The following CCBE1 variants were observed in gnomAD, a reference collection of about 807,000 sequenced individuals.
CCBE1 encodes collagen and calcium binding EGF domains 1.
A neutral mutation model predicts 50.0 loss-of-function variants in CCBE1; 37 were observed. The ratio of observed to expected loss-of-function variants is 0.74; its 90% confidence interval spans 0.57 to 0.97. The LOEUF (loss-of-function observed/expected upper bound fraction) is 0.97, where lower values mean the gene tolerates loss of function less well. Ranked by LOEUF, CCBE1 falls within the 50% of genes least tolerant of loss-of-function variation. The probability of loss-of-function intolerance (pLI) is 0.00; values close to 1 mark genes in which losing one functional copy is unlikely to be tolerated. For synonymous variants in CCBE1, 234 were observed against 203.7 expected (o/e 1.15, Z -1.27); for missense variants, 538 against 523.8 (o/e 1.03, Z -0.26).
Position 59,577,042 on chromosome 18 carries a change from C to T in CCBE1, c.213-96804G>A, listed in dbSNP as rs57128494. The stretch of plus-strand genomic sequence containing the variant: ...CAGCTGGCTGGCACATAAAAGAAAT[C>T]CAATACTTTATTTCCTTCTCCGAAG... On this transcript the variant is annotated intron_variant, in intron 2 of 10. Coordinates refer to ENST00000439986, the MANE Select transcript of CCBE1 (RefSeq NM_133459.4). Among the ~76,000 whole-genome samples, 1,227 of 152,314 alleles carry T rather than the reference C, an allele frequency of 8.1e-3. 24 individuals are homozygous for T. Among genetic ancestry groups the T allele is most frequent in the African/African-American group, 0.028 (1,153 of 41,566 alleles).
At chr18:59,688,563 G>C (rs184225186) in intron 2 of CCBE1, among the ~76,000 whole-genome samples, 206 of 152,344 alleles carry the variant, frequency 1.4e-3, no homozygotes, top group African/African-American at 4.8e-3. Flanking sequence ...AGCAAACCAA[G>C]GTAACACTCA....
intron 2 of CCBE1, among the ~76,000 whole-genome samples, chr18:59,693,920 G>A (rs147932062): frequency 2.0e-3 from 228 of 114,154 alleles, no homozygotes; most frequent in African/African-American, 7.5e-3. Context: ...TCACCAGACT[G>A]GAATGCAGTG....
intron 2 of CCBE1, among the ~76,000 whole-genome samples, chr18:59,663,439 G>A (rs1165542379): frequency 6.6e-6 from 1 of 152,128 alleles, no homozygotes; most frequent in Non-Finnish European, 1.5e-5. Flanking sequence ...ATTATGAAGA[G>A]TGCCCCTTTC....
chr18:59,560,247 G>A (rs1360875622), intron 2 of CCBE1, among the ~76,000 whole-genome samples: 4 of 152,222 alleles, frequency 2.6e-5, no homozygotes. Context: ...CAGTGCATGG[G>A]TATGCCCATA....
In CCBE1 at chr18:59,469,109, CT is replaced by C. The variant is rs1911897969; in HGVS notation, c.400+363del. Among the ~76,000 whole-genome samples the C allele has an allele frequency of 3.9e-5, 6 of 152,268 alleles. No individual in the cohort carries two copies. In the South Asian group the frequency reaches 1.2e-3, roughly 32 times the overall value. On this transcript the variant is annotated intron_variant, in intron 4 of 10. Coordinates refer to ENST00000439986, the MANE Select transcript of CCBE1 (RefSeq NM_133459.4). Reference sequence around the variant, plus strand: ...AACCTGTCTGCCATATGGCTACTTCCTTTTTTCCCCAACCATCTTCTAAGAG... The same window carrying C: ...AACCTGTCTGCCATATGGCTACTTCCTTTTTCCCCAACCATCTTCTAAGAG...
At chr18:59,477,429 A>G (rs1912360404) in intron 3 of CCBE1, among the ~76,000 whole-genome samples, 2 of 152,280 alleles carry the variant, frequency 1.3e-5, no homozygotes, top group South Asian at 4.2e-4. Flanking sequence ...TGTGTGGTAG[A>G]AGGTGGCAGG....
At chr18:59,684,817 C>T (rs1255526953) in intron 2 of CCBE1, among the ~76,000 whole-genome samples, 1 of 152,146 alleles carries the variant, frequency 6.6e-6, no homozygotes, top group African/African-American at 2.4e-5. Flanking sequence ...TCTGGTCAAA[C>T]CACAGAAAGC....
chr18:59,474,415 T>C (rs543603442), intron 3 of CCBE1, among the ~76,000 whole-genome samples: 1 of 152,328 alleles, frequency 6.6e-6, no homozygotes, highest in African/African-American at 2.4e-5. Context: ...GGCCAGTGCA[T>C]TACAAGTTCA....
At chr18:59,650,870 A>G (rs1260308332) in intron 2 of CCBE1, among the ~76,000 whole-genome samples, 1 of 151,650 alleles carries the variant, frequency 6.6e-6, no homozygotes, top group African/African-American at 2.4e-5. Context: ...GGAACAGATG[A>G]GTGATAAGGA....
At chr18:59,446,846 C>T (rs1176821813) in intron 7 of CCBE1, among the ~76,000 whole-genome samples, 1 of 152,168 alleles carries the variant, frequency 6.6e-6, no homozygotes, top group Non-Finnish European at 1.5e-5. Flanking sequence ...CTCTATGTGT[C>T]TGGTCTTCCC....
chr18:59,658,879 CAAA>C (rs61226521), intron 2 of CCBE1, among the ~76,000 whole-genome samples: 864 of 54,660 alleles, frequency 0.016, 6 homozygotes, highest in African/African-American at 0.053. Flanking sequence ...GACTCTGTCT[CAAA>C]AAAAAAAAAA....
At chr18:59,546,552 C>A (rs73963230) in intron 2 of CCBE1, among the ~76,000 whole-genome samples, 5,565 of 152,308 alleles carry the variant, frequency 0.037, 330 homozygotes, top group African/African-American at 0.13. Flanking sequence ...AAGAGCTGAA[C>A]AACCATTTGA....
chr18:59,615,738 C>T (rs754888598), intron 2 of CCBE1, among the ~76,000 whole-genome samples: 29 of 152,104 alleles, frequency 1.9e-4, no homozygotes, highest in Non-Finnish European at 3.8e-4. Context: ...ACTAATCCCC[C>T]CTACTCCCAG....
intron 6 of CCBE1, among the ~76,000 whole-genome samples, chr18:59,449,067 C>G (rs1326890726): frequency 2.6e-5 from 4 of 152,106 alleles, no homozygotes; most frequent in Non-Finnish European, 4.4e-5. Context: ...GAAGCCTGAT[C>G]CAATTTTATC....
At chr18:59,461,504 T>C (rs1911473295) in intron 5 of CCBE1, among the ~76,000 whole-genome samples, 1 of 152,140 alleles carries the variant, frequency 6.6e-6, no homozygotes, top group African/African-American at 2.4e-5. Context: ...TTACTGGTGT[T>C]TCAATTTTGT....
intron 2 of CCBE1, among the ~76,000 whole-genome samples, chr18:59,620,958 G>A (rs2053703108): frequency 6.6e-6 from 1 of 152,188 alleles, no homozygotes; most frequent in African/African-American, 2.4e-5. Flanking sequence ...TTGCCATAAA[G>A]GAAACCACAA....
chr18:59,640,939 C>T (rs74573989), intron 2 of CCBE1, among the ~76,000 whole-genome samples: 1,836 of 152,148 alleles, frequency 0.012, 19 homozygotes, highest in Middle Eastern at 0.048. Context: ...AAGCAGATAC[C>T]GTCTCGTACC....
chr18:59,456,915 C>T (rs1354029452), intron 5 of CCBE1, among the ~76,000 whole-genome samples: 1 of 152,194 alleles, frequency 6.6e-6, no homozygotes, highest in Non-Finnish European at 1.5e-5. Flanking sequence ...CACCACCATC[C>T]CTGCACCATG....
At chr18:59,453,750 G>A (rs903819996) in intron 6 of CCBE1, among the ~76,000 whole-genome samples, 2 of 152,102 alleles carry the variant, frequency 1.3e-5, no homozygotes, top group African/African-American at 2.4e-5. Flanking sequence ...ACTGGAAGCC[G>A]TTAAACAAAC....
Sources: allele counts gnomAD v4.1 joint callset (sites outside exome capture counted in the v4.1 genomes callset), GRCh38; gene constraint gnomAD v4.1.1; transcripts MANE v1.5; gene names NCBI Gene and HGNC (gene_info 2026-07-23, HGNC 2026-07-21).